The following CCDC7 variants were observed in gnomAD, a reference collection of about 807,000 sequenced individuals.
The protein encoded by CCDC7 is coiled-coil domain-containing protein 7.
Under a neutral mutation model 196.9 loss-of-function variants are expected in CCDC7, and 183 were observed. That is an observed-to-expected ratio of 0.93 (90% CI 0.82 to 1.05). The LOEUF (loss-of-function observed/expected upper bound fraction) is 1.05, where lower values mean the gene tolerates loss of function less well. CCDC7 is among the 50% of genes least tolerant of loss of function. CCDC7 has a pLI of 0.00. For synonymous variants in CCDC7, 525 were observed against 484.6 expected (o/e 1.08, Z -1.10); for missense variants, 1,540 against 1,482.2 (o/e 1.04, Z -0.64).
chr10:32,826,527 C>T (rs188127901), intron 32 of CCDC7, among the ~76,000 whole-genome samples: 1 of 152,294 alleles, frequency 6.6e-6, no homozygotes, highest in Admixed American at 6.5e-5. Context: ...GTGGTATGTA[C>T]ATGATTGGGC....
At chr10:32,667,005 G>T (rs1388206431) in intron 21 of CCDC7, among the ~76,000 whole-genome samples, 1 of 152,088 alleles carries the variant, frequency 6.6e-6, no homozygotes, top group Non-Finnish European at 1.5e-5. Flanking sequence ...GTGTAAAAGC[G>T]TTCCTATTTC....
At chr10:32,462,912 T>C in intron 4 of CCDC7, 105 bp from the exon 6 acceptor site, 1 of 1,518,662 alleles carries the variant, frequency 6.6e-7, no homozygotes, top group Non-Finnish European at 9.0e-7. Context: ...ATTTGATGGA[T>C]GAAGATTCAG....
intron 18 of CCDC7, among the ~76,000 whole-genome samples, chr10:32,633,221 A>ATG (rs2065122789): frequency 6.7e-6 from 1 of 148,364 alleles, no homozygotes; most frequent in Non-Finnish European, 1.5e-5. Flanking sequence ...ACGCACACAC[A>ATG]CACACACACA....
intron 41 of CCDC7, among the ~76,000 whole-genome samples, chr10:32,870,699 T>G (rs2094396357): frequency 6.6e-6 from 1 of 152,228 alleles, no homozygotes; most frequent in South Asian, 2.1e-4. Flanking sequence ...ATGCTTCCAG[T>G]TTTTGCCCAT....
intron 13 of CCDC7, among the ~76,000 whole-genome samples, chr10:32,545,664 G>GGGAGGCT (rs767201839): frequency 4.6e-5 from 7 of 152,126 alleles, no homozygotes; most frequent in Non-Finnish European, 8.8e-5. Flanking sequence ...CCAGCACTTC[G>GGGAGGCT]GGAGGCTGAG....
chr10:32,682,601 C>T (rs887684223), intron 21 of CCDC7, among the ~76,000 whole-genome samples: 6 of 152,220 alleles, frequency 3.9e-5, no homozygotes, highest in Admixed American at 2.6e-4. Flanking sequence ...AACTTATTTA[C>T]ATTCCCATCA....
At chr10:32,802,862 C>A (rs145299090) in intron 29 of CCDC7, among the ~76,000 whole-genome samples, 107 of 152,326 alleles carry the variant, frequency 7.0e-4, no homozygotes, top group African/African-American at 2.3e-3. Flanking sequence ...TTTAGTCTTT[C>A]ACATTCTTCT....
chr10:32,562,980 A>G (rs1004239582), intron 13 of CCDC7, among the ~76,000 whole-genome samples: 13 of 152,298 alleles, frequency 8.5e-5, no homozygotes, highest in African/African-American at 2.9e-4. Context: ...TCAATGTGCA[A>G]AAATCACAGG....
intron 5 of CCDC7, among the ~76,000 whole-genome samples, chr10:32,464,701 G>C (rs1185770588): frequency 1.3e-5 from 2 of 151,968 alleles, no homozygotes; most frequent in Non-Finnish European, 2.9e-5. Context: ...AGTAGAGATG[G>C]GGTTTTGCCA....
intron 20 of CCDC7, among the ~76,000 whole-genome samples, chr10:32,638,861 G>A (rs1203745672): frequency 2.0e-5 from 3 of 152,086 alleles, no homozygotes; most frequent in Non-Finnish European, 4.4e-5. Flanking sequence ...ATCTGGTCCT[G>A]GACTTTTTTT....
chr10:32,465,082 G>A (rs1334044569), intron 5 of CCDC7, among the ~76,000 whole-genome samples: 1 of 150,828 alleles, frequency 6.6e-6, no homozygotes, highest in Non-Finnish European at 1.5e-5. Flanking sequence ...GAAAAATAGA[G>A]TAGACAGTCT....
At chr10:32,584,540 G>A (rs1283204371) in intron 18 of CCDC7, among the ~76,000 whole-genome samples, 2 of 151,442 alleles carry the variant, frequency 1.3e-5, no homozygotes, top group African/African-American at 2.4e-5. Flanking sequence ...GGTGGATCAC[G>A]AGGTCAGGAG....
chr10:32,640,576 G>A (rs1436946027), intron 20 of CCDC7, among the ~76,000 whole-genome samples: 4 of 152,120 alleles, frequency 2.6e-5, no homozygotes, highest in African/African-American at 9.7e-5. Context: ...TATTTTGCTC[G>A]TTAGTTGATG....
At chr10:32,680,585 G>T (rs2075719911) in intron 21 of CCDC7, among the ~76,000 whole-genome samples, 1 of 151,696 alleles carries the variant, frequency 6.6e-6, no homozygotes, top group Non-Finnish European at 1.5e-5. Flanking sequence ...CCCCCGACAG[G>T]CCCCACTATA....
At chr10:32,662,122 A>T (rs181280806) in intron 20 of CCDC7, among the ~76,000 whole-genome samples, 47 of 152,294 alleles carry the variant, frequency 3.1e-4, no homozygotes, top group Admixed American at 1.5e-3. Flanking sequence ...TCTTTCTGCC[A>T]TGACAGGGTA....
intron 41 of CCDC7, among the ~76,000 whole-genome samples, chr10:32,861,078 A>G (rs2093961927): frequency 1.4e-5 from 2 of 147,974 alleles, no homozygotes; most frequent in African/African-American, 5.1e-5. Flanking sequence ...TTCATTTGGA[A>G]CCAAAAAAGA....
At chr10:32,602,028 G>A (rs1590404290) in intron 18 of CCDC7, among the ~76,000 whole-genome samples, 1 of 152,256 alleles carries the variant, frequency 6.6e-6, no homozygotes, top group African/African-American at 2.4e-5. Context: ...CACTGTGGAA[G>A]CTTTGTTTTT....
chr10:32,793,434 T>A (rs953293009), intron 29 of CCDC7, among the ~76,000 whole-genome samples: 5 of 152,226 alleles, frequency 3.3e-5, no homozygotes, highest in African/African-American at 1.2e-4. Context: ...TACCTGTACA[T>A]ATTTTAATGT....
chr10:32,569,509 C>T (rs1024134738), intron 15 of CCDC7, among the ~76,000 whole-genome samples: 16 of 152,256 alleles, frequency 1.1e-4, no homozygotes, highest in Non-Finnish European at 2.4e-4. Context: ...TCACTGCAAC[C>T]TCCGCCTCCT....
Sources: gnomAD v4.1 joint callset for allele counts (sites outside exome capture counted in the v4.1 genomes callset) on GRCh38, gnomAD v4.1.1 for gene constraint, MANE v1.5 for transcripts, NCBI Gene and HGNC (gene_info 2026-07-23, HGNC 2026-07-21) for gene names.